The following BMP8A variants were observed in gnomAD, a reference collection of about 807,000 sequenced individuals.
BMP8A encodes BMP-8A.
BMP8A carries 14 observed loss-of-function variants against 36.8 expected under a neutral mutation model. That is an observed-to-expected ratio of 0.38 (90% CI 0.25 to 0.60). The LOEUF (loss-of-function observed/expected upper bound fraction) is 0.60. BMP8A is among the 20% of genes least tolerant of loss of function. The pLI is 0.63. For synonymous variants in BMP8A, 120 were observed against 237.7 expected, an observed-to-expected ratio of 0.50 and a Z score of 4.55; for missense variants, 267 against 551.1, an observed-to-expected ratio of 0.48 and a Z score of 5.16.
intron 3 of BMP8A, among the ~76,000 whole-genome samples, chr1:39,517,920 AG>A (rs1329958067): frequency 6.6e-6 from 1 of 152,232 alleles, no homozygotes; most frequent in East Asian, 1.9e-4. Context: ...CCAAGGGACT[AG>A]ATGAGTTTTC....
At chr1:39,506,296 G>C (rs993631158) in intron 1 of BMP8A, among the ~76,000 whole-genome samples, 1 of 152,052 alleles carries the variant, frequency 6.6e-6, no homozygotes, top group Non-Finnish European at 1.5e-5. Context: ...TGCAACCTCT[G>C]CCTCCCAGGT....
rs1432252187 is a variant in BMP8A at position 39,498,001 on chromosome 1, G to A, written c.334+5676G>A. On this transcript the variant is annotated intron_variant, in intron 1 of 6. Coordinates refer to ENST00000331593, the MANE Select transcript of BMP8A (RefSeq NM_181809.4). ...CTGTTGATAGGAGGGCCTTGTTGACGGGTGACCCCCATCCCAATATGTCCC... is the reference window on the plus strand; with the variant it reads ...CTGTTGATAGGAGGGCCTTGTTGACAGGTGACCCCCATCCCAATATGTCCC... 3.3e-5 allele frequency among the ~76,000 whole-genome samples: 5 copies of A among 152,322 alleles called. No individual in the cohort carries two copies. The East Asian group carries it at 7.7e-4, about 23-fold the overall frequency.
intron 1 of BMP8A, among the ~76,000 whole-genome samples, chr1:39,493,701 C>T (rs375816818): frequency 8.5e-5 from 13 of 152,174 alleles, no homozygotes; most frequent in South Asian, 4.1e-4. Context: ...GGACTCTAGC[C>T]GGTGGGATCT....
intron 3 of BMP8A, among the ~76,000 whole-genome samples, chr1:39,516,706 G>T: frequency 6.6e-6 from 1 of 151,332 alleles, no homozygotes; most frequent in African/African-American, 2.4e-5. Flanking sequence ...ACTGCAAGGC[G>T]CAGGTCTGCA....
intron 1 of BMP8A, among the ~76,000 whole-genome samples, chr1:39,504,332 C>T (rs1645279913): frequency 6.6e-6 from 1 of 152,216 alleles, no homozygotes; most frequent in Admixed American, 6.5e-5. Context: ...CTATCTCTAC[C>T]ATCTCAGCGA....
rs753596465 is a variant in BMP8A, at chr1:39,523,051, G to A, written c.993G>A (p.Glu331=). 2 of 1,613,792 alleles carry A rather than the reference G, an allele frequency of 1.2e-6. No homozygotes were observed. Among genetic ancestry groups the A allele is most frequent in the Non-Finnish European group, 1.7e-6 (2 of 1,179,852 alleles). ...APQGYSAYYC[E]GECSFPLDSC... ...AAGGCTACTCAGCCTATTACTGTGA[G>A]GGGGAGTGCTCCTTCCCGCTGGACT... The change falls in exon 6 of 7, where the codon GAG becomes GAA. Residue 331 remains glutamate, a synonymous_variant. Coordinates refer to ENST00000331593, the MANE Select transcript of BMP8A (RefSeq NM_181809.4).
chr1:39,525,508 A>T, intron 6 of BMP8A, 141 bp from the exon 7 acceptor site: 1 of 1,205,404 alleles, frequency 8.3e-7, no homozygotes, highest in Non-Finnish European at 1.1e-6. Context: ...TATTCCTGTT[A>T]ATAATTCTTA....
chr1:39,510,681 A>T (rs2124355032), intron 1 of BMP8A, among the ~76,000 whole-genome samples: 1 of 152,064 alleles, frequency 6.6e-6, no homozygotes, highest in South Asian at 2.1e-4. Context: ...CGCACCTCCC[A>T]TCCAGGCAGC....
rs1645491482 is a variant in BMP8A, at chr1:39,527,178, G to A, written c.*1380G>A. Among the ~76,000 whole-genome samples the A allele has an allele frequency of 6.6e-6, 1 of 152,162 alleles. No individual in the cohort carries two copies. On this transcript the variant is annotated 3_prime_UTR_variant, in exon 7 of 7. Coordinates refer to ENST00000331593, the MANE Select transcript of BMP8A (RefSeq NM_181809.4). ...CCCACCAGCGCTGTCCTGTGTCTTGGGTCTGTGAGTCAAAGAAAAGGTCCC... is the reference window on the plus strand; with the variant it reads ...CCCACCAGCGCTGTCCTGTGTCTTGAGTCTGTGAGTCAAAGAAAAGGTCCC...
In BMP8A at chr1:39,522,996, T is replaced by G; in HGVS notation, c.949-11T>G. 6.3e-7 allele frequency: 1 copy of G among 1,596,006 alleles called. No individual in the cohort carries two copies. The highest frequency in any genetic ancestry group is 1.1e-5 in the South Asian group (1 of 88,188). Reference sequence around the variant, plus strand: ...ACATGGATGGGACTCACCTTCTCCCTTGCCCCCCAGGACTGGGTCATCGCC... The same window carrying G: ...ACATGGATGGGACTCACCTTCTCCCGTGCCCCCCAGGACTGGGTCATCGCC... On this transcript the variant is annotated splice_polypyrimidine_tract_variant and intron_variant, in intron 5 of 6. Transcript: ENST00000331593.
chr1:39,498,149 G>A (rs1239049774), intron 1 of BMP8A, among the ~76,000 whole-genome samples: 1 of 152,228 alleles, frequency 6.6e-6, no homozygotes, highest in Non-Finnish European at 1.5e-5. Flanking sequence ...CTTGGCCTCA[G>A]TTTCCCCATC....
In BMP8A at chr1:39,511,885, CTA is replaced by C. The variant is rs1645360156; in HGVS notation, c.656_657del (p.Tyr219CysfsTer4). On this transcript the variant is annotated frameshift_variant, in exon 3 of 7. Transcript: ENST00000331593. LOFTEE classifies it high-confidence loss of function. ...GTCACAAGGACCTGGGACTCCGCCT[CTA>C]TGTGGAGACTGAGGACGGTGAGGCT... ...KRHKDLGLRL[Y>X]VETEDGHSVD... is the part of the protein sequence containing the mutation. 2 of 1,195,584 alleles carry C rather than the reference CTA, an allele frequency of 1.7e-6. No homozygotes were observed. The highest frequency in any genetic ancestry group is 2.6e-5 in the East Asian group (1 of 38,296). The allele number at this position is 1,195,584 out of a possible 1,614,324, so 74.1% of individuals were successfully genotyped here.
intron 1 of BMP8A, among the ~76,000 whole-genome samples, chr1:39,509,803 C>G (rs1294777497): frequency 6.6e-6 from 1 of 152,202 alleles, no homozygotes; most frequent in Non-Finnish European, 1.5e-5. Context: ...ATTGAAATCT[C>G]AGTGTTGGGT....
intron 3 of BMP8A, chr1:39,515,062 C>G (rs1046282650): frequency 5.0e-6 from 8 of 1,585,234 alleles, no homozygotes; most frequent in Non-Finnish European, 6.0e-6. Flanking sequence ...GCCACCAGTC[C>G]CCGGCCCCGT....
intron 1 of BMP8A, among the ~76,000 whole-genome samples, chr1:39,504,037 A>G (rs1309765737): frequency 6.6e-6 from 1 of 152,262 alleles, no homozygotes; most frequent in Non-Finnish European, 1.5e-5. Flanking sequence ...CCTGGCAGAC[A>G]CCACCGTAAC....
chr1:39,508,120 T>G (rs1252405155), intron 1 of BMP8A, among the ~76,000 whole-genome samples: 2 of 151,962 alleles, frequency 1.3e-5, no homozygotes, highest in Non-Finnish European at 2.9e-5. Flanking sequence ...GCGTGGTTGC[T>G]GGCGCCTGTA....
At chr1:39,509,331 C>A (rs1645330584) in intron 1 of BMP8A, among the ~76,000 whole-genome samples, 1 of 152,152 alleles carries the variant, frequency 6.6e-6, no homozygotes, top group Admixed American at 6.5e-5. Flanking sequence ...GTTCCTGAAC[C>A]CACTGAAATT....
At chr1:39,501,613 C>T (rs763742884) in intron 1 of BMP8A, among the ~76,000 whole-genome samples, 13 of 152,194 alleles carry the variant, frequency 8.5e-5, no homozygotes, top group Non-Finnish European at 4.4e-5. Flanking sequence ...CTCACTGCAA[C>T]CTCTGATGCC....
Position 39,525,899 on chromosome 1 carries a change from C to T in BMP8A, c.*101C>T. ...GCTGTCACAGCTCAAGCAGGAGTGTCAGGGGCCCTCACTCTCGGTGCCTAC... is the reference window on the plus strand; with the variant it reads ...GCTGTCACAGCTCAAGCAGGAGTGTTAGGGGCCCTCACTCTCGGTGCCTAC... On this transcript the variant is annotated 3_prime_UTR_variant, in exon 7 of 7. Transcript: ENST00000331593. The T allele has an allele frequency of 6.4e-7, 1 of 1,552,612 alleles. No homozygotes were observed. The highest frequency in any genetic ancestry group is 8.7e-7 in the Non-Finnish European group (1 of 1,148,120).
Sources: allele counts gnomAD v4.1 joint callset (sites outside exome capture counted in the v4.1 genomes callset), GRCh38; gene constraint gnomAD v4.1.1; transcripts MANE v1.5; gene names NCBI Gene and HGNC (gene_info 2026-07-23, HGNC 2026-07-21).